CTR9: variants seen among roughly 807,000 people sequenced by gnomAD.
The protein encoded by CTR9 is CTR9 component of Paf1/RNA polymerase II complex.
In CTR9, 41 loss-of-function variants were observed where a neutral mutation model predicts 152.1. The ratio of observed to expected loss-of-function variants is 0.27; its 90% CI spans 0.21 to 0.35. CTR9 has a LOEUF of 0.35. Among genes scored for constraint, CTR9 ranks in the 10% least tolerant of loss-of-function variants. CTR9 has a pLI of 1.00. For missense variants in CTR9, 917 were observed against 1,424.4 expected (o/e 0.64, Z 5.73); for synonymous variants, 476 against 496.2 (o/e 0.96, Z 0.54).
chr11:10,763,535 T>C lies in CTR9; in HGVS notation c.954T>C (p.Val318=). Residue 318 remains valine, a synonymous_variant, in exon 8 of 25, where the codon GTT becomes GTC. Coordinates refer to ENST00000361367, the MANE Select transcript of CTR9 (RefSeq NM_014633.5). ...ATCAGCTAGCTAGATCATTCCATGT[T>C]CAGGTAATTTTATAACTTCTCTAAA... ...SCYQLARSFH[V]QEDYDQAFQY... 6.3e-7 allele frequency: 1 copy of C among 1,595,230 alleles called. No individual in the cohort carries two copies. Among genetic ancestry groups the C allele is most frequent in the Non-Finnish European group, 8.5e-7 (1 of 1,174,104 alleles).
Position 10,773,876 on chromosome 11 carries a change from C to G in CTR9, c.2728-136C>G, listed in dbSNP as rs144333045. ...CTCTCGCCTGGGCAAAAGAGTGAGA[C>G]TTCATCTCAAAAAAAAAAAAAAAAA... On this transcript the variant is annotated intron_variant, in intron 21 of 24. Coordinates refer to ENST00000361367, the MANE Select transcript of CTR9 (RefSeq NM_014633.5). 2.4e-3 allele frequency: 1,359 copies of G among 565,980 alleles called. 16 individuals are homozygous for G. The African/African-American group carries it at 0.032, about 14-fold the overall frequency. 35.1% of individuals were successfully genotyped at this position (565,980 alleles called of 1,614,324 possible).
chr11:10,751,281 G>C lies in CTR9; in HGVS notation c.-132G>C. 1.1e-6 allele frequency: 1 copy of C among 933,312 alleles called. No individual in the cohort carries two copies. Among genetic ancestry groups the C allele is most frequent in the South Asian group, 1.4e-5 (1 of 70,244 alleles). The allele number at this position is 933,312 out of a possible 1,614,324, so 57.8% of individuals were successfully genotyped here. A position where few individuals can be genotyped will look rare whatever the true frequency, so the allele number is the denominator to read the frequency against. The stretch of plus-strand genomic sequence containing the variant: ...CGGCTGACGGGAAGGAGAAGCCAGA[G>C]CTCCAGCGGCGCCGCGGGGCGGCAG... On this transcript the variant is annotated 5_prime_UTR_variant, in exon 1 of 25. Coordinates refer to ENST00000361367, the MANE Select transcript of CTR9 (RefSeq NM_014633.5).
intron 2 of CTR9, 72 bp from the exon 3 acceptor site, chr11:10,754,886 G>A (rs1289041518): frequency 6.8e-7 from 1 of 1,480,130 alleles, no homozygotes; most frequent in Non-Finnish European, 9.1e-7. Flanking sequence ...TAAAGCTGCT[G>A]TAAACATTTG....
intron 13 of CTR9, 94 bp downstream of exon 13, chr11:10,766,584 G>T: frequency 2.4e-6 from 2 of 846,366 alleles, no homozygotes; most frequent in Non-Finnish European, 3.6e-6. Context: ...ACATCTTCCT[G>T]GTTTTGTCAT....
chr11:10,752,627 A>T, intron 1 of CTR9, 45 bp from the exon 2 acceptor site: 1 of 1,371,036 alleles, frequency 7.3e-7, no homozygotes, highest in Middle Eastern at 1.8e-4. Flanking sequence ...TGAAATGTGA[A>T]TTTTAAAGTG....
In CTR9 at chr11:10,768,482, C is replaced by T. The variant is rs201784129; in HGVS notation, c.2100C>T (p.Ala700=). The change falls in exon 16 of 25, where the codon GCC becomes GCT. Residue 700 remains alanine (A), a synonymous_variant. Transcript: ENST00000361367. Reference sequence around the variant, plus strand: ...TGGAGCAAAAGCAGTACATCAGCGCCGTTCAGATGGTAATAGCTTCTCTTT... The same window carrying T: ...TGGAGCAAAAGCAGTACATCAGCGCTGTTCAGATGGTAATAGCTTCTCTTT... ...IYVEQKQYIS[A]VQMYENCLRK... The T allele has an allele frequency of 2.8e-5, 45 of 1,599,162 alleles. No individual in the cohort carries two copies. Among genetic ancestry groups the T allele is most frequent in the Admixed American group, 1.8e-4 (10 of 55,570 alleles).
Position 10,774,111 on chromosome 11 carries a change from A to G in CTR9, c.2827A>G (p.Ser943Gly). The change falls in exon 22 of 25, where the codon AGT becomes GGT. Residue 943 changes from serine (S) to glycine (G), a missense_variant. This residue lies in a region of CTR9 where 384 missense variants were observed against 398.4 expected (regional missense o/e 0.96). Coordinates refer to ENST00000361367, the MANE Select transcript of CTR9 (RefSeq NM_014633.5). ...KKKKRRKGSG[S>G]EQEGEDEEGG... ...GAAGAAGAGAAGAAAGGGTAGTGGCAGTGAACAAGAAGGTGAAGATGAGGA... is the reference window on the plus strand; with the variant it reads ...GAAGAAGAGAAGAAAGGGTAGTGGCGGTGAACAAGAAGGTGAAGATGAGGA... 3 of 1,605,976 alleles carry G rather than the reference A, an allele frequency of 1.9e-6. No individual in the cohort carries two copies. Among genetic ancestry groups the G allele is most frequent in the Non-Finnish European group, 1.7e-6 (2 of 1,172,586 alleles).
In CTR9 at chr11:10,774,059, T is replaced by C. The variant is rs551066197; in HGVS notation, c.2775T>C (p.Thr925=). 5.9e-5 allele frequency: 95 copies of C among 1,613,272 alleles called. 1 individual carries two copies. The South Asian group carries it at 9.8e-4, about 17-fold the overall frequency. ...TTGATGAATTTGTCAATGATGACACTGATGATGACCTACCTATATCCAAAA... is the reference window on the plus strand; with the variant it reads ...TTGATGAATTTGTCAATGATGACACCGATGATGACCTACCTATATCCAAAA... ...GEFDEFVNDD[T]DDDLPISKKK... is the part of the protein sequence containing the mutation. Residue 925 remains threonine (T), a synonymous_variant, in exon 22 of 25, where the codon ACT becomes ACC. Transcript: ENST00000361367.
At chr11:10,757,811 C>G (rs1005054280) in intron 5 of CTR9, among the ~76,000 whole-genome samples, 1 of 152,060 alleles carries the variant, frequency 6.6e-6, no homozygotes, top group African/African-American at 2.4e-5. Context: ...GATGTGTAAG[C>G]TACCAGTAAG....
Position 10,761,947 on chromosome 11 carries a change from G to A in CTR9, c.742G>A (p.Ala248Thr). Residue 248 changes from alanine to threonine, a missense_variant and splice_region_variant, in exon 7 of 25, where the codon GCT becomes ACT. Ala to Thr is a moderately conservative substitution (Grantham distance 58). Transcript: ENST00000361367. ...ACCTTGTTGCAATGTTTTCTTTTAG[G>A]CTGATTCCATTAAAAATGGTGTCCA... ...LAVLELNNKEADSIKNGVQLL... is the reference protein window; with the variant it reads ...LAVLELNNKETDSIKNGVQLL... The A allele has an allele frequency of 6.3e-7, 1 of 1,593,066 alleles. No homozygotes were observed. The highest frequency in any genetic ancestry group is 8.6e-7 in the Non-Finnish European group (1 of 1,168,482).
chr11:10,756,919 G>A lies in CTR9; in HGVS notation c.592+81G>A. The A allele has an allele frequency of 2.2e-6, 2 of 927,484 alleles. 1 individual carries two copies. The highest frequency in any genetic ancestry group is 2.9e-5 in the South Asian group (2 of 68,694). The allele number at this position is 927,484 out of a possible 1,614,324, so 57.5% of individuals were successfully genotyped here. A position where few individuals can be genotyped will look rare whatever the true frequency, so the allele number is the denominator to read the frequency against. On this transcript the variant is annotated intron_variant, in intron 5 of 24. Coordinates refer to ENST00000361367, the MANE Select transcript of CTR9 (RefSeq NM_014633.5). ...TGAGGATTTGTCAGTTGCTTATGAA[G>A]TTATGAAAAGATATTGTTGGATTAT...
At chr11:10,755,620 A>T in intron 3 of CTR9, 58 bp from the exon 4 acceptor site, 1 of 1,066,414 alleles carries the variant, frequency 9.4e-7, no homozygotes, top group Non-Finnish European at 1.4e-6. Context: ...TTTTCACTTT[A>T]GTGTTACATG....
At chr11:10,773,559 T>C (rs555310893) in intron 21 of CTR9, among the ~76,000 whole-genome samples, 29 of 152,052 alleles carry the variant, frequency 1.9e-4, no homozygotes, top group African/African-American at 7.0e-4. Context: ...TAATTGGGCC[T>C]AGCCAAGAAC....
chr11:10,767,665 A>G lies in CTR9; in HGVS notation c.1687-141A>G. On this transcript the variant is annotated intron_variant, in intron 13 of 24. Coordinates refer to ENST00000361367, the MANE Select transcript of CTR9 (RefSeq NM_014633.5). This position sits in a 1 kb window ranked among gnomAD's most constrained non-coding sequence, Gnocchi z 4.0. Reference sequence around the variant, plus strand: ...TAAATTTGGATTGCCATGCAAAAAAAAAAAGAAAGAAAGAAAAGAAAGAAA... The same window carrying G: ...TAAATTTGGATTGCCATGCAAAAAAGAAAAGAAAGAAAGAAAAGAAAGAAA... 1.3e-6 allele frequency: 1 copy of G among 784,524 alleles called. No individual in the cohort carries two copies. Among genetic ancestry groups the G allele is most frequent in the Non-Finnish European group, 2.0e-6 (1 of 492,042 alleles). 48.6% of individuals were successfully genotyped at this position (784,524 alleles called of 1,614,324 possible). A position where few individuals can be genotyped will look rare whatever the true frequency, so the allele number is the denominator to read the frequency against.
At position 10,752,786 on chromosome 11, in the gene CTR9, G is replaced by A. The variant is rs774896371; in HGVS notation, c.144+16G>A. On this transcript the variant is annotated intron_variant, in intron 2 of 24. Transcript: ENST00000361367. ...TGCTTTGGCGGTCAGTATTCATGTA[G>A]CAAATATTTTTTATTTGTTGACTAG... is the stretch of plus-strand genomic sequence containing the variant. The A allele has an allele frequency of 3.8e-6, 6 of 1,590,918 alleles. No individual in the cohort carries two copies. The East Asian group carries it at 9.0e-5, about 24-fold the overall frequency.
chr11:10,778,980 G>C lies in CTR9; in HGVS notation c.3397G>C (p.Glu1133Gln). Residue 1133 changes from glutamate (E) to glutamine (Q), a missense_variant, in exon 25 of 25, where the codon GAA (glutamate) becomes CAA (glutamine). Glu to Gln is a conservative substitution (Grantham distance 29, BLOSUM62 2). Transcript: ENST00000361367. ...PASPSAESDH[E>Q]SERGSDNEGS... ...TTCTCCAAGTGCCGAATCAGATCAC[G>C]AATCGGAGAGAGGATCTGATAATGA... 6.2e-7 allele frequency: 1 copy of C among 1,614,162 alleles called. No individual in the cohort carries two copies. Among genetic ancestry groups the C allele is most frequent in the Non-Finnish European group, 8.5e-7 (1 of 1,180,030 alleles).
intron 19 of CTR9, 90 bp downstream of exon 19, chr11:10,771,706 C>T (rs1429276270): frequency 4.6e-6 from 4 of 876,872 alleles, no homozygotes; most frequent in Non-Finnish European, 5.7e-6. Flanking sequence ...ACAGAGGTTC[C>T]TGACCTTCCA....
At chr11:10,772,984 A>T (rs1275054549) in intron 20 of CTR9, 143 bp from the exon 21 acceptor site, 2 of 926,494 alleles carry the variant, frequency 2.2e-6, no homozygotes, top group African/African-American at 1.7e-5. Flanking sequence ...CCGAGATTGC[A>T]CCACTGTACT....
chr11:10,763,092 T>G (rs1448721758), intron 7 of CTR9, among the ~76,000 whole-genome samples: 1 of 150,934 alleles, frequency 6.6e-6, no homozygotes, highest in Non-Finnish European at 1.5e-5. Flanking sequence ...ATTCCCATTT[T>G]GTGGGTGGAT....
Sources: allele counts gnomAD v4.1 joint callset (sites outside exome capture counted in the v4.1 genomes callset), GRCh38; gene constraint gnomAD v4.1.1; regional missense constraint gnomAD v4.1.1; non-coding constraint Gnocchi (gnomAD v3.1); transcripts MANE v1.5; gene names NCBI Gene and HGNC (gene_info 2026-07-23, HGNC 2026-07-21).